ALDH1L1: variants seen among roughly 807,000 people sequenced by gnomAD.
ALDH1L1 encodes the protein cytosolic 10-formyltetrahydrofolate dehydrogenase.
Under a neutral mutation model 101.1 loss-of-function variants are expected in ALDH1L1, and 68 were observed. The ratio of observed to expected loss-of-function variants is 0.67; its 90% confidence interval spans 0.55 to 0.82. The LOEUF is 0.82. ALDH1L1 is among the 40% of genes least tolerant of loss of function. The probability of loss-of-function intolerance (pLI) is 0.00; values close to 1 mark genes in which losing one functional copy is unlikely to be tolerated. For missense variants in ALDH1L1, 1,087 were observed against 1,172.7 expected (o/e 0.93, Z 1.07); for synonymous variants, 486 against 470.8 (o/e 1.03, Z -0.42).
chr3:126,171,979 GAGTTTCT>G (rs2081285150), intron 1 of ALDH1L1, among the ~76,000 whole-genome samples: 1 of 152,102 alleles, frequency 6.6e-6, no homozygotes, highest in Admixed American at 6.6e-5. Context: ...CCTATTTAAG[GAGTTTCT>G]ACAAAAACCC....
At chr3:126,136,981 C>A in intron 10 of ALDH1L1, 98 bp from the exon 11 acceptor site, 1 of 1,511,064 alleles carries the variant, frequency 6.6e-7, no homozygotes, top group Non-Finnish European at 8.9e-7. Context: ...GCCCAGGGGC[C>A]TCCTGGGGCT....
chr3:126,158,541 A>G lies in ALDH1L1; in HGVS notation c.226T>C (p.Leu76=). The stretch of plus-strand genomic sequence containing the variant: ...GGCAGGACGTTGAGCTCGGCCCCCA[A>G]AGCCTGGTATTTTGCCACCACATCA... ...LPDVVAKYQA[L]GAELNVLPFC... Residue 76 remains leucine (L), a synonymous_variant, in exon 3 of 23, where the codon TTG becomes CTG. Transcript: ENST00000393434. The G allele has an allele frequency of 6.2e-7, 1 of 1,614,158 alleles. No individual in the cohort carries two copies. Among genetic ancestry groups the G allele is most frequent in the Non-Finnish European group, 8.5e-7 (1 of 1,180,016 alleles).
chr3:126,127,103 C>A (rs548029747), intron 14 of ALDH1L1, among the ~76,000 whole-genome samples: 1 of 152,186 alleles, frequency 6.6e-6, no homozygotes, highest in Admixed American at 6.5e-5. Context: ...AACCAGGAGA[C>A]GAGTTTCCAT....
At chr3:126,126,285 G>A (rs145576264) in intron 14 of ALDH1L1, among the ~76,000 whole-genome samples, 72 of 152,312 alleles carry the variant, frequency 4.7e-4, no homozygotes, top group African/African-American at 1.6e-3. Context: ...TCAGAGCACC[G>A]TGGGCACTGG....
chr3:126,191,160 A>T (rs1321680667), intron 1 of ALDH1L1, among the ~76,000 whole-genome samples: 1 of 152,198 alleles, frequency 6.6e-6, no homozygotes. Flanking sequence ...AGAGTGCAAC[A>T]GCTTAGATGG....
At chr3:126,108,009 G>T (rs1342264702) in intron 20 of ALDH1L1, 1 of 152,186 alleles carries the variant, frequency 6.6e-6, no homozygotes, top group Non-Finnish European at 1.5e-5. Flanking sequence ...TAGAGAAATA[G>T]AAAATTTCAA....
At chr3:126,196,846 A>C (rs1489894917) in intron 1 of ALDH1L1, among the ~76,000 whole-genome samples, 1 of 152,230 alleles carries the variant, frequency 6.6e-6, no homozygotes, top group African/African-American at 2.4e-5. Flanking sequence ...CCAGGCCACC[A>C]ATGTGAAAGG....
chr3:126,183,228 A>C (rs1463455254), upstream of ALDH1L1, among the ~76,000 whole-genome samples: 1 of 152,216 alleles, frequency 6.6e-6, no homozygotes, highest in Non-Finnish European at 1.5e-5. Context: ...AGCCCAAGAG[A>C]GAGAAGGGCT....
chr3:126,141,695 G>A lies in ALDH1L1; in HGVS notation c.1077-3735C>T, dbSNP rs920672016. Among the ~76,000 whole-genome samples, 6 of 152,038 alleles carry A rather than the reference G, an allele frequency of 3.9e-5. No homozygotes were observed. The South Asian group carries it at 6.2e-4, about 16-fold the overall frequency. Reference sequence around the variant, plus strand: ...CAACATACCAAAACTTATGAGAGGCGGGGAAAGTAGTGCTAAGAAAGAAGT... The same window carrying A: ...CAACATACCAAAACTTATGAGAGGCAGGGAAAGTAGTGCTAAGAAAGAAGT... On this transcript the variant is annotated intron_variant, in intron 9 of 22. Coordinates refer to ENST00000393434, the MANE Select transcript of ALDH1L1 (RefSeq NM_012190.4).
At chr3:126,182,235 C>G (rs2081482159), upstream of ALDH1L1, among the ~76,000 whole-genome samples, 1 of 152,176 alleles carries the variant, frequency 6.6e-6, no homozygotes, top group Non-Finnish European at 1.5e-5. Flanking sequence ...GACCCTCCAC[C>G]TCCTAGGTTC....
intron 12 of ALDH1L1, among the ~76,000 whole-genome samples, chr3:126,134,658 C>T (rs1027136557): frequency 1.3e-5 from 2 of 152,228 alleles, no homozygotes; most frequent in South Asian, 2.1e-4. Flanking sequence ...TGGGCTGCCC[C>T]GGCTTTTCTG....
intron 12 of ALDH1L1, among the ~76,000 whole-genome samples, chr3:126,132,065 C>T (rs1023659151): frequency 9.2e-5 from 14 of 152,252 alleles, no homozygotes; most frequent in South Asian, 2.1e-4. Flanking sequence ...TGGGGGCTGA[C>T]GCGTTTACAC....
rs12630216 is a variant in ALDH1L1, at chr3:126,137,564, C to A, written c.1224+249G>T. On this transcript the variant is annotated intron_variant, in intron 10 of 22. Coordinates refer to ENST00000393434, the MANE Select transcript of ALDH1L1 (RefSeq NM_012190.4). ...AAGTCTCTTCTTAATATCTTGATCA[C>A]CTGCCTTGGGACTCAGAGTTTGGCC... is the stretch of plus-strand genomic sequence containing the variant. Among the ~76,000 whole-genome samples the A allele has an allele frequency of 3.5e-3, 540 of 152,356 alleles. 4 individuals are homozygous for A. The highest frequency in any genetic ancestry group is 0.034 in the East Asian group (176 of 5,190).
At position 126,150,273 on chromosome 3, in the gene ALDH1L1, A is replaced by G. The variant is rs139309159; in HGVS notation, c.984+133T>C. The G allele has an allele frequency of 2.9e-6, 4 of 1,397,908 alleles. No homozygotes were observed. The African/African-American group carries it at 5.8e-5, about 20-fold the overall frequency. 86.6% of individuals were successfully genotyped at this position (1,397,908 alleles called of 1,614,324 possible). A position where few individuals can be genotyped will look rare whatever the true frequency, so the allele number is the denominator to read the frequency against. ...AAAGCTCCAAGACGAGATAGAACCAACACTGCACCTGGAGCCAAAACAGAC... is the reference window on the plus strand; with the variant it reads ...AAAGCTCCAAGACGAGATAGAACCAGCACTGCACCTGGAGCCAAAACAGAC... On this transcript the variant is annotated intron_variant, in intron 8 of 22. Coordinates refer to ENST00000393434, the MANE Select transcript of ALDH1L1 (RefSeq NM_012190.4).
At chr3:126,167,160 C>A (rs1191919493) in intron 1 of ALDH1L1, among the ~76,000 whole-genome samples, 1 of 151,950 alleles carries the variant, frequency 6.6e-6, no homozygotes, top group East Asian at 1.9e-4. Flanking sequence ...GCCTTTATAA[C>A]AAAACCCAAG....
intron 1 of ALDH1L1, among the ~76,000 whole-genome samples, chr3:126,173,017 G>T (rs1048109343): frequency 6.6e-6 from 1 of 152,092 alleles, no homozygotes; most frequent in Admixed American, 6.5e-5. Context: ...CAGTAAAATT[G>T]TCCTTCAAAA....
intron 16 of ALDH1L1, among the ~76,000 whole-genome samples, chr3:126,122,546 G>C (rs2080099759): frequency 6.6e-6 from 1 of 152,124 alleles, no homozygotes; most frequent in South Asian, 2.1e-4. Flanking sequence ...TGCACATAGG[G>C]ACTTGTTCTC....
At chr3:126,113,025 C>G (rs887145191) in intron 18 of ALDH1L1, 145 bp from the exon 19 acceptor site, 1 of 679,826 alleles carries the variant, frequency 1.5e-6, no homozygotes, top group African/African-American at 1.8e-5. Flanking sequence ...ACTCAATCCT[C>G]AGTCACCTCA....
At chr3:126,193,696 T>C (rs908081343) in intron 1 of ALDH1L1, among the ~76,000 whole-genome samples, 3 of 152,314 alleles carry the variant, frequency 2.0e-5, no homozygotes, top group African/African-American at 7.2e-5. Flanking sequence ...ATACCAGTTG[T>C]TTTTCCAAAT....
Sources: gnomAD v4.1 joint callset for allele counts (sites outside exome capture counted in the v4.1 genomes callset) on GRCh38, gnomAD v4.1.1 for gene constraint, MANE v1.5 for transcripts, NCBI Gene and HGNC (gene_info 2026-07-23, HGNC 2026-07-21) for gene names.